PCDH11X: variants seen among roughly 807,000 people sequenced by gnomAD.
PCDH11X encodes the protein protocadherin 11 X-linked.
Under a neutral mutation model 53.3 loss-of-function variants are expected in PCDH11X, and 18 were observed. That is an observed-to-expected ratio of 0.34 (90% CI 0.23 to 0.50). The LOEUF (loss-of-function observed/expected upper bound fraction) is 0.50, where lower values mean the gene tolerates loss of function less well. PCDH11X is among the 20% of genes least tolerant of loss of function. The pLI, the probability that PCDH11X is intolerant of heterozygous loss-of-function variation, is 0.98. For synonymous variants in PCDH11X, 279 were observed against 393.3 expected (o/e 0.71, Z 3.44); for missense variants, 570 against 1,032.4 (o/e 0.55, Z 6.14).
chrX:92,222,718 T>G (rs2066904976), intron 7 of PCDH11X, among the ~76,000 whole-genome samples: 1 of 111,857 alleles, frequency 8.9e-6, no homozygotes, highest in East Asian at 2.8e-4. Flanking sequence ...TTCATCTCCG[T>G]AGGTATACTA....
intron 6 of PCDH11X, among the ~76,000 whole-genome samples, chrX:91,980,622 A>T (rs1331194614): frequency 9.4e-5 from 10 of 106,777 alleles, no homozygotes; most frequent in African/African-American, 3.4e-4. Flanking sequence ...TATAGTAGGG[A>T]CAAGGTCTCA....
chrX:92,449,993 T>G (rs902029172), intron 9 of PCDH11X, among the ~76,000 whole-genome samples: 11 of 111,187 alleles, frequency 9.9e-5, no homozygotes, highest in African/African-American at 3.6e-4. Flanking sequence ...AAATCAATAT[T>G]GCATATATTG....
At chrX:91,982,276 A>G (rs997895771) in intron 6 of PCDH11X, among the ~76,000 whole-genome samples, 1 of 107,388 alleles carries the variant, frequency 9.3e-6, no homozygotes, top group African/African-American at 3.4e-5. Context: ...CAAGCCCCTC[A>G]TCAGTTAGGG....
intron 10 of PCDH11X, among the ~76,000 whole-genome samples, chrX:92,603,565 A>G (rs1229040742): frequency 9.3e-6 from 1 of 107,680 alleles, no homozygotes. Context: ...TTTTGGAGGG[A>G]AAAAAAAAGA....
At chrX:92,369,782 G>A (rs2070570034) in intron 8 of PCDH11X, among the ~76,000 whole-genome samples, 1 of 111,243 alleles carries the variant, frequency 9.0e-6, no homozygotes, top group South Asian at 3.9e-4. Context: ...CTTCCCAGGT[G>A]AAGCGATGCC....
chrX:92,487,912 C>T (rs1204646209), intron 10 of PCDH11X, among the ~76,000 whole-genome samples: 1 of 111,806 alleles, frequency 8.9e-6, no homozygotes, highest in Admixed American at 9.5e-5. Flanking sequence ...GAATTGGCTT[C>T]CAATTAATTT....
chrX:92,279,101 A>T (rs1003067089), intron 8 of PCDH11X, among the ~76,000 whole-genome samples: 23 of 111,671 alleles, frequency 2.1e-4, no homozygotes, highest in South Asian at 1.9e-3. Context: ...GTAAGCCACC[A>T]TGCCCAGCCT....
intron 5 of PCDH11X, among the ~76,000 whole-genome samples, chrX:91,837,765 C>T (rs183214877): frequency 9.0e-6 from 1 of 111,109 alleles, no homozygotes; most frequent in Non-Finnish European, 1.9e-5. Flanking sequence ...TAAAGCAACA[C>T]TTCACAACAG....
rs1318759110 is a variant in PCDH11X, at chrX:91,863,881, C to G, written c.541-12900C>G. On this transcript the variant is annotated intron_variant, in intron 5 of 10. Coordinates refer to ENST00000682573, the MANE Select transcript of PCDH11X (RefSeq NM_032968.5). ...CATAAACTGACAATCAAAAAGAAAA[C>G]TAATAAAAATTCTACACCTTAACTT... Among the ~76,000 whole-genome samples the G allele has an allele frequency of 4.5e-5, 5 of 111,797 alleles. No homozygotes were observed. In the East Asian group the frequency reaches 1.4e-3, roughly 32 times the overall value.
chrX:92,008,307 A>C (rs927648025), intron 6 of PCDH11X, among the ~76,000 whole-genome samples: 3 of 110,871 alleles, frequency 2.7e-5, no homozygotes, highest in Non-Finnish European at 5.7e-5. Flanking sequence ...TGAGGTTTGC[A>C]GACACTCAGG....
chrX:92,228,492 T>C (rs995077515), intron 7 of PCDH11X, among the ~76,000 whole-genome samples: 3 of 111,443 alleles, frequency 2.7e-5, no homozygotes, highest in Admixed American at 9.6e-5. Context: ...TAGAACATAC[T>C]TGGTGCTTTA....
intron 10 of PCDH11X, among the ~76,000 whole-genome samples, chrX:92,508,543 C>A (rs2074108375): frequency 1.8e-5 from 2 of 111,475 alleles, no homozygotes; most frequent in Admixed American, 1.9e-4. Context: ...CTTCTTAATA[C>A]TAACACATTA....
At chrX:92,040,012 G>A (rs1434868509) in intron 6 of PCDH11X, among the ~76,000 whole-genome samples, 1 of 108,696 alleles carries the variant, frequency 9.2e-6, no homozygotes, top group Non-Finnish European at 1.9e-5. Context: ...CTAGAAATAG[G>A]GACCTCACAA....
intron 6 of PCDH11X, among the ~76,000 whole-genome samples, chrX:91,961,808 A>T (rs1161598778): frequency 9.3e-6 from 1 of 107,772 alleles, no homozygotes; most frequent in Non-Finnish European, 1.9e-5. Context: ...CATGTCAAGG[A>T]CTCAGGAAAC....
At chrX:92,246,321 G>C (rs2067349259) in intron 7 of PCDH11X, among the ~76,000 whole-genome samples, 1 of 111,445 alleles carries the variant, frequency 9.0e-6, no homozygotes, top group Non-Finnish European at 1.9e-5. Flanking sequence ...ATAGCAACAA[G>C]TTGTGGTGAA....
chrX:92,376,264 G>C lies in PCDH11X; in HGVS notation c.3145-11471G>C, dbSNP rs940928681. Among the ~76,000 whole-genome samples, 39 of 111,852 alleles carry C rather than the reference G, an allele frequency of 3.5e-4. 1 individual carries two copies. Among genetic ancestry groups the C allele is most frequent in the African/African-American group, 1.2e-3 (38 of 30,784 alleles). On this transcript the variant is annotated intron_variant, in intron 8 of 10. Coordinates refer to ENST00000682573, the MANE Select transcript of PCDH11X (RefSeq NM_032968.5). ...AATTTGAATTTATCCCGTCTTTTAT[G>C]ACCAGTTTCCAACTTAGAGTTTACC... is the stretch of plus-strand genomic sequence containing the variant.
chrX:92,232,362 C>T (rs752050131), intron 7 of PCDH11X, among the ~76,000 whole-genome samples: 177 of 111,721 alleles, frequency 1.6e-3, no homozygotes, highest in African/African-American at 5.4e-3. Flanking sequence ...TTGTCATGTA[C>T]TATAGTGAAC....
intron 6 of PCDH11X, among the ~76,000 whole-genome samples, chrX:92,099,591 G>A (rs1241586078): frequency 9.0e-6 from 1 of 111,674 alleles, no homozygotes; most frequent in African/African-American, 3.3e-5. Flanking sequence ...CTTCTGCCTA[G>A]AATAAAAATG....
intron 4 of PCDH11X, among the ~76,000 whole-genome samples, chrX:91,813,627 A>G (rs1208104906): frequency 9.4e-6 from 1 of 106,871 alleles, no homozygotes; most frequent in Non-Finnish European, 1.9e-5. Flanking sequence ...AAGGTAATAA[A>G]CATAGTTTTT....
Sources: gnomAD v4.1 joint callset for allele counts (sites outside exome capture counted in the v4.1 genomes callset) on GRCh38, gnomAD v4.1.1 for gene constraint, MANE v1.5 for transcripts, NCBI Gene and HGNC (gene_info 2026-07-23, HGNC 2026-07-21) for gene names.